Variants in LOC400499 observed in about 807,000 individuals in gnomAD.
the LOC400499 span, chr16:11,471,692 G>A: frequency 5.0e-6 from 2 of 399,132 alleles, no homozygotes; most frequent in East Asian, 3.6e-5. Flanking sequence ...AGCAGGTACT[G>A]TCGGAGCCCC....
the LOC400499 span, among the ~76,000 whole-genome samples, chr16:11,511,620 G>C: frequency 6.6e-6 from 1 of 152,218 alleles, no homozygotes; most frequent in South Asian, 2.1e-4. Flanking sequence ...CCATTTATAT[G>C]AAATTCCAGA....
chr16:11,447,821 G>A, the LOC400499 span: 31 of 1,362,710 alleles, frequency 2.3e-5, no homozygotes, highest in South Asian at 3.2e-5. Flanking sequence ...GCCCCAGCAG[G>A]TCAGCAGAGA....
At chr16:11,439,299 G>A in the LOC400499 span, among the ~76,000 whole-genome samples, 1 of 152,300 alleles carries the variant, frequency 6.6e-6, no homozygotes, top group South Asian at 2.1e-4. Flanking sequence ...AATGATGGAT[G>A]TGGAAACCTC....
chr16:11,473,573 G>A, the LOC400499 span, among the ~76,000 whole-genome samples: 1 of 151,862 alleles, frequency 6.6e-6, no homozygotes, highest in Admixed American at 6.6e-5. Context: ...TGGCCAATGT[G>A]GTAAAACCCT....
At chr16:11,393,696 A>G in the LOC400499 span, 6 of 640,220 alleles carry the variant, frequency 9.4e-6, no homozygotes, top group Non-Finnish European at 1.3e-5. Flanking sequence ...GGAAGGCACA[A>G]TGCCCACGCC....
chr16:11,429,552 C>A, the LOC400499 span, among the ~76,000 whole-genome samples: 1 of 152,036 alleles, frequency 6.6e-6, no homozygotes, highest in Non-Finnish European at 1.5e-5. Context: ...TGGCTCACTG[C>A]AACCTCTGCC....
the LOC400499 span, chr16:11,514,457 G>A: frequency 1.0e-5 from 4 of 399,038 alleles, no homozygotes; most frequent in East Asian, 1.1e-4. Flanking sequence ...TGGCCCCGCG[G>A]AGTCCAGCTC....
chr16:11,478,752 G>A, the LOC400499 span: 1 of 398,766 alleles, frequency 2.5e-6, no homozygotes, highest in Non-Finnish European at 4.4e-6. Flanking sequence ...TGGTTTGGCT[G>A]TGTCCCCACC....
At chr16:11,519,854 C>G in the LOC400499 span, among the ~76,000 whole-genome samples, 6 of 151,848 alleles carry the variant, frequency 4.0e-5, no homozygotes, top group Non-Finnish European at 5.9e-5. Context: ...TACAGGCATG[C>G]ACCACCACGC....
chr16:11,460,834 G>C, the LOC400499 span: 1 of 1,296,996 alleles, frequency 7.7e-7, no homozygotes, highest in Non-Finnish European at 1.0e-6. Flanking sequence ...GTCCTACTCA[G>C]AGCCAACAGA....
the LOC400499 span, among the ~76,000 whole-genome samples, chr16:11,483,244 G>A: frequency 6.6e-6 from 1 of 152,284 alleles, no homozygotes; most frequent in Non-Finnish European, 1.5e-5. Context: ...TTGGGAGAAT[G>A]GTTTAGCAGC....
chr16:11,478,083 C>T, the LOC400499 span: 196,696 of 395,596 alleles, frequency 0.5, 51,235 homozygotes, highest in African/African-American at 0.72. Context: ...GAGGCCGAGA[C>T]GGGTGGATCA....
chr16:11,526,969 C>G, the LOC400499 span, among the ~76,000 whole-genome samples: 1 of 152,192 alleles, frequency 6.6e-6, no homozygotes, highest in Admixed American at 6.5e-5. Flanking sequence ...CTCCTCTTCC[C>G]CATGAAAAGC....
At chr16:11,416,938 T>C in the LOC400499 span, among the ~76,000 whole-genome samples, 22,669 of 151,994 alleles carry the variant, frequency 0.15, 2,178 homozygotes, top group African/African-American at 0.28. Context: ...TCTAAGAGCT[T>C]TGACTTTCAC....
the LOC400499 span, among the ~76,000 whole-genome samples, chr16:11,487,540 C>G: frequency 4.6e-5 from 7 of 151,970 alleles, no homozygotes; most frequent in African/African-American, 1.7e-4. Context: ...TAAGCCTTTT[C>G]AAGAACAGAG....
chr16:11,426,169 C>T, the LOC400499 span, among the ~76,000 whole-genome samples: 2 of 152,334 alleles, frequency 1.3e-5, no homozygotes, highest in East Asian at 3.9e-4. Context: ...GGCGCGGTGG[C>T]TCACGCCTGT....
the LOC400499 span, chr16:11,491,819 T>C: frequency 2.3e-4 from 93 of 398,806 alleles, no homozygotes; most frequent in African/African-American, 1.7e-3. Context: ...CCTCCAGGGA[T>C]TGGTATAGAC....
At chr16:11,486,882 G>A in the LOC400499 span, among the ~76,000 whole-genome samples, 1 of 104,280 alleles carries the variant, frequency 9.6e-6, no homozygotes, top group African/African-American at 3.7e-5. Flanking sequence ...ATGGGTGGGG[G>A]GGTGGGGGGC....
the LOC400499 span, among the ~76,000 whole-genome samples, chr16:11,407,502 G>A: frequency 6.6e-6 from 1 of 152,364 alleles, no homozygotes; most frequent in African/African-American, 2.4e-5. Context: ...GTTTGATGAT[G>A]CGAGGGTTTG....
Sources: allele counts gnomAD v4.1 joint callset (sites outside exome capture counted in the v4.1 genomes callset), GRCh38; gene constraint gnomAD v4.1.1; transcripts MANE v1.5.